PLIN5: variants seen among roughly 807,000 people sequenced by gnomAD.
PLIN5 encodes perilipin 5.
A neutral mutation model predicts 32.8 loss-of-function variants in PLIN5; 34 were observed. The observed-to-expected ratio is 1.04, with a 90% CI of 0.79 to 1.38. PLIN5 has a LOEUF of 1.38. PLIN5 is among the 40% of genes most tolerant of loss of function. The probability of loss-of-function intolerance (pLI) is 0.00; values close to 1 mark genes in which losing one functional copy is unlikely to be tolerated. For missense variants in PLIN5, 712 were observed against 660.5 expected (o/e 1.08, Z -0.85); for synonymous variants, 309 against 292.9 (o/e 1.05, Z -0.56).
intron 2 of PLIN5, among the ~76,000 whole-genome samples, chr19:4,532,054 T>C (rs1017826360): frequency 2.6e-5 from 4 of 152,256 alleles, no homozygotes; most frequent in African/African-American, 7.2e-5. Flanking sequence ...CAATTTTGTT[T>C]GTAATGGGGT....
At chr19:4,534,299 G>C (rs779976491) in intron 1 of PLIN5, 111 of 582,252 alleles carry the variant, frequency 1.9e-4, no homozygotes, top group South Asian at 3.8e-4. Context: ...GGCAAGGTAG[G>C]GTTGCCGGAG....
At chr19:4,527,564 AAAC>A (rs1568244358) in intron 5 of PLIN5, among the ~76,000 whole-genome samples, 2 of 146,242 alleles carry the variant, frequency 1.4e-5, no homozygotes, top group Non-Finnish European at 3.0e-5. Flanking sequence ...AAAAAAAAAA[AAAC>A]AACAATGGTT....
chr19:4,534,506 G>A (rs957004694), intron 1 of PLIN5, among the ~76,000 whole-genome samples: 9 of 152,128 alleles, frequency 5.9e-5, no homozygotes, highest in African/African-American at 2.2e-4. Flanking sequence ...CCAGTTAGCT[G>A]GGATTACCCA....
Position 4,525,487 on chromosome 19 carries a change from C to G in PLIN5, c.720+146G>C. 1 of 1,019,198 alleles carries G rather than the reference C, an allele frequency of 9.8e-7. No individual in the cohort carries two copies. Among genetic ancestry groups the G allele is most frequent in the South Asian group, 1.6e-5 (1 of 62,020 alleles). 63.1% of individuals were successfully genotyped at this position (1,019,198 alleles called of 1,614,324 possible). A position where few individuals can be genotyped will look rare whatever the true frequency, so the allele number is the denominator to read the frequency against. ...CCTGGGCTCCTCCAGGCCCGGGTCC[C>G]CCAGCCCTGAACACATGCAGCTGGA... On this transcript the variant is annotated intron_variant, in intron 6 of 7. Coordinates refer to ENST00000381848, the MANE Select transcript of PLIN5 (RefSeq NM_001013706.3). This position sits in a 1 kb window ranked among gnomAD's most constrained non-coding sequence, Gnocchi z 5.6.
In PLIN5 at chr19:4,523,978, C is replaced by T. The variant is rs1976766920; in HGVS notation, c.942G>A (p.Glu314=). 1 of 1,526,004 alleles carries T rather than the reference C, an allele frequency of 6.6e-7. No homozygotes were observed. Among genetic ancestry groups the T allele is most frequent in the Non-Finnish European group, 8.7e-7 (1 of 1,143,826 alleles). 94.5% of individuals were successfully genotyped at this position (1,526,004 alleles called of 1,614,324 possible). A position where few individuals can be genotyped will look rare whatever the true frequency, so the allele number is the denominator to read the frequency against. The part of the protein sequence containing the change: ...SVRGLPAGAQ[E]KVAEVRRSVD... ...CACTGCGCCGCACCTCAGCCACCTTCTCCTGGGCGCCGGCGGGCAGGCCCC... is the reference window on the plus strand; with the variant it reads ...CACTGCGCCGCACCTCAGCCACCTTTTCCTGGGCGCCGGCGGGCAGGCCCC... Residue 314 remains glutamate (E), a synonymous_variant, in exon 8 of 8, where the codon GAG becomes GAA. Transcript: ENST00000381848. This position sits in a 1 kb window ranked among gnomAD's most constrained non-coding sequence, Gnocchi z 5.0.
chr19:4,526,494 T>C (rs953341560), intron 5 of PLIN5, among the ~76,000 whole-genome samples: 8 of 152,206 alleles, frequency 5.3e-5, no homozygotes, highest in Non-Finnish European at 1.0e-4. Context: ...GTGCTGTGTT[T>C]ACAGGTGTGA....
At position 4,531,762 on chromosome 19, in the gene PLIN5, C is replaced by G. The variant is rs781204109; in HGVS notation, c.121G>C (p.Asp41His). 6.3e-7 allele frequency: 1 copy of G among 1,599,280 alleles called. No individual in the cohort carries two copies. Among genetic ancestry groups the G allele is most frequent in the Non-Finnish European group, 8.5e-7 (1 of 1,175,262 alleles). Residue 41 changes from aspartate (D) to histidine (H), a missense_variant, in exon 3 of 8, where the codon GAT becomes CAT. Physicochemically the swap from Asp to His is moderately conservative, Grantham distance 81. Coordinates refer to ENST00000381848, the MANE Select transcript of PLIN5 (RefSeq NM_001013706.3). ...LVRATCTAVC[D>H]VYSAAKDRHP... ...CTGTCCTTGGCTGCACTGTAAACAT[C>G]GCAGACCGCGGTGCACGTGGCCCTG...
chr19:4,526,491 G>A (rs1976805440), intron 5 of PLIN5, among the ~76,000 whole-genome samples: 1 of 152,174 alleles, frequency 6.6e-6, no homozygotes, highest in South Asian at 2.1e-4. Context: ...AACGTGCTGT[G>A]TTTACAGGTG....
chr19:4,534,156 G>T, intron 1 of PLIN5, 61 bp from the exon 2 acceptor site: 1 of 1,462,036 alleles, frequency 6.8e-7, no homozygotes, highest in Non-Finnish European at 9.4e-7. Flanking sequence ...GTCAAATTGG[G>T]CTCTGTGACT....
chr19:4,524,846 G>T, intron 7 of PLIN5, 117 bp downstream of exon 7: 1 of 799,762 alleles, frequency 1.3e-6, no homozygotes, highest in Middle Eastern at 4.0e-4. Context: ...CACTTGGTTT[G>T]AGATAGCTTG....
rs1334689398 is a variant in PLIN5, at chr19:4,525,191, G to A, written c.721-115C>T. 1.1e-5 allele frequency: 7 copies of A among 645,124 alleles called. No homozygotes were observed. Among genetic ancestry groups the A allele is most frequent in the South Asian group, 2.4e-5 (1 of 41,376 alleles). 40.0% of individuals were successfully genotyped at this position (645,124 alleles called of 1,614,324 possible). On this transcript the variant is annotated intron_variant, in intron 6 of 7. Coordinates refer to ENST00000381848, the MANE Select transcript of PLIN5 (RefSeq NM_001013706.3). This position sits in a 1 kb window ranked among gnomAD's most constrained non-coding sequence, Gnocchi z 5.6. ...AGTAAGCATTTAGGAGACCGAGGCAGGTTGTGCAGGGCCGTGGGGAAGACT... is the reference window on the plus strand; with the variant it reads ...AGTAAGCATTTAGGAGACCGAGGCAAGTTGTGCAGGGCCGTGGGGAAGACT...
At chr19:4,529,893 A>G in intron 3 of PLIN5, 27 bp from the exon 4 acceptor site, 2 of 1,497,594 alleles carry the variant, frequency 1.3e-6, no homozygotes, top group Non-Finnish European at 1.8e-6. Flanking sequence ...GGGGAGTGAG[A>G]CTCGGGGAGA....
Position 4,535,180 on chromosome 19 carries a change from T to TTCAGACACCAGCTGTCTCC in PLIN5, c.-56_-38dup, listed in dbSNP as rs1268124901. 1 of 151,954 alleles carries TTCAGACACCAGCTGTCTCC rather than the reference T, an allele frequency of 6.6e-6. No individual in the cohort carries two copies. The highest frequency in any genetic ancestry group is 2.4e-5 in the African/African-American group (1 of 41,410). The allele number at this position is 151,954 out of a possible 1,614,324, so 9.4% of individuals were successfully genotyped here. A position where few individuals can be genotyped will look rare whatever the true frequency, so the allele number is the denominator to read the frequency against. ...GGGCACTCACCTGGGCGCGAGCGGC[T>TTCAGACACCAGCTGTCTCC]TCAGACACCAGCTGTCTCCGCCGAC... On this transcript the variant is annotated 5_prime_UTR_variant, in exon 1 of 8. Coordinates refer to ENST00000381848, the MANE Select transcript of PLIN5 (RefSeq NM_001013706.3).
chr19:4,524,810 C>CA (rs1976778714), intron 7 of PLIN5, among the ~76,000 whole-genome samples, 153 bp downstream of exon 7: 1 of 152,136 alleles, frequency 6.6e-6, no homozygotes, highest in African/African-American at 2.4e-5. Flanking sequence ...TTTCCCCCCC[C>CA]AGACACCTCA....
chr19:4,529,056 G>A lies in PLIN5; in HGVS notation c.520+17C>T, dbSNP rs776058514. 3 of 1,609,558 alleles carry A rather than the reference G, an allele frequency of 1.9e-6. No homozygotes were observed. In the East Asian group the frequency reaches 6.7e-5, roughly 36 times the overall value. On this transcript the variant is annotated intron_variant, in intron 5 of 7. Coordinates refer to ENST00000381848, the MANE Select transcript of PLIN5 (RefSeq NM_001013706.3). ...GGGGCAGGACTCAGGGGTTAGGGTT[G>A]AGGGTGTCGTCCTCACCGAGCTCTT...
At chr19:4,527,623 A>AAGG (rs1268285255) in intron 5 of PLIN5, among the ~76,000 whole-genome samples, 1 of 150,302 alleles carries the variant, frequency 6.7e-6, no homozygotes, top group Non-Finnish European at 1.5e-5. Context: ...TTGGGAAGTC[A>AAGG]AGGCAGGTGG....
chr19:4,532,166 C>G (rs1454662610), intron 2 of PLIN5, among the ~76,000 whole-genome samples: 1 of 152,040 alleles, frequency 6.6e-6, no homozygotes. Flanking sequence ...TCCCAAGTAG[C>G]TGGGATTACA....
At chr19:4,528,997 G>C (rs1976842721) in intron 5 of PLIN5, 76 bp downstream of exon 5, 1 of 1,470,596 alleles carries the variant, frequency 6.8e-7, no homozygotes, top group Admixed American at 2.1e-5. Context: ...GTGAGTCTCA[G>C]ACCTCTCTGA....
In PLIN5 at chr19:4,523,559, T is replaced by C; in HGVS notation, c.1361A>G (p.Lys454Arg). 6.3e-7 allele frequency: 1 copy of C among 1,590,116 alleles called. No individual in the cohort carries two copies. Among genetic ancestry groups the C allele is most frequent in the African/African-American group, 1.3e-5 (1 of 74,406 alleles). ...QEPETPSCPVKHTLMPELDF is the reference protein window; with the variant it reads ...QEPETPSCPVRHTLMPELDF ...GTCCAGCTCGGGCATCAGGGTGTGC[T>C]TGACCGGGCAGCTGGGGGTCTCGGG... The change falls in exon 8 of 8, where the codon AAG (lysine) becomes AGG (arginine). Residue 454 changes from lysine (K) to arginine (R), a missense_variant. Coordinates refer to ENST00000381848, the MANE Select transcript of PLIN5 (RefSeq NM_001013706.3). The surrounding 1 kb of genome is among the most constrained non-coding windows in gnomAD (Gnocchi z 5.0).
Sources: allele counts gnomAD v4.1 joint callset (sites outside exome capture counted in the v4.1 genomes callset), GRCh38; gene constraint gnomAD v4.1.1; non-coding constraint Gnocchi (gnomAD v3.1); transcripts MANE v1.5; gene names NCBI Gene and HGNC (gene_info 2026-07-23, HGNC 2026-07-21).